The following TTC17 variants were observed in gnomAD, a reference collection of about 807,000 sequenced individuals.
TTC17 encodes tetratricopeptide repeat protein 17.
A neutral mutation model predicts 143.8 loss-of-function variants in TTC17; 58 were observed. The observed-to-expected ratio is 0.40, with a 90% confidence interval of 0.33 to 0.50. TTC17 has a LOEUF of 0.50. Ranked by LOEUF, TTC17 falls within the 20% of genes least tolerant of loss-of-function variation. The probability of loss-of-function intolerance (pLI) is 0.49; values close to 1 mark genes in which losing one functional copy is unlikely to be tolerated. For synonymous variants in TTC17, 501 were observed against 497.8 expected (o/e 1.01, Z -0.09); for missense variants, 1,273 against 1,392.5 (o/e 0.91, Z 1.37).
intron 16 of TTC17, among the ~76,000 whole-genome samples, chr11:43,437,080 T>C (rs1947309666): frequency 6.6e-6 from 1 of 152,210 alleles, no homozygotes; most frequent in Non-Finnish European, 1.5e-5. Flanking sequence ...GCTAAGACAT[T>C]CTCTACAACT....
At chr11:43,384,140 G>A (rs1318967273) in intron 2 of TTC17, among the ~76,000 whole-genome samples, 5 of 37,198 alleles carry the variant, frequency 1.3e-4, no homozygotes, top group African/African-American at 5.1e-4. Flanking sequence ...GTGAGACCCT[G>A]TCTCAAAAAA....
intron 23 of TTC17, among the ~76,000 whole-genome samples, chr11:43,493,004 C>T (rs1311224185): frequency 1.3e-5 from 2 of 152,188 alleles, no homozygotes; most frequent in African/African-American, 4.8e-5. Flanking sequence ...ACTTCAGAGG[C>T]GAGAAGTATT....
chr11:43,359,145 C>A (rs367669176), intron 1 of TTC17, 32 bp downstream of exon 1: 43 of 1,542,208 alleles, frequency 2.8e-5, no homozygotes, highest in South Asian at 1.1e-4. Flanking sequence ...TTCTCCCGTG[C>A]CCGCCCTCGC....
intron 5 of TTC17, among the ~76,000 whole-genome samples, chr11:43,394,322 G>A (rs963317577): frequency 6.6e-6 from 1 of 152,222 alleles, no homozygotes; most frequent in South Asian, 2.1e-4. Flanking sequence ...AGAAGTTGGA[G>A]CAGAGAAGCA....
At position 43,446,732 on chromosome 11, in the gene TTC17, T is replaced by G. The variant is rs953041922; in HGVS notation, c.2666-1270T>G. 8.7e-6 allele frequency: 8 copies of G among 918,422 alleles called. No homozygotes were observed. In the Admixed American group the frequency reaches 3.1e-4, roughly 36 times the overall value. 56.9% of individuals were successfully genotyped at this position (918,422 alleles called of 1,614,324 possible). A position where few individuals can be genotyped will look rare whatever the true frequency, so the allele number is the denominator to read the frequency against. Reference sequence around the variant, plus strand: ...GCGCTATACAGAACTAAAGTTCTCCTTCCTGCCTATTCCATTATAACTCCT... The same window carrying G: ...GCGCTATACAGAACTAAAGTTCTCCGTCCTGCCTATTCCATTATAACTCCT... On this transcript the variant is annotated intron_variant, in intron 18 of 23. Transcript: ENST00000039989.
chr11:43,416,075 A>G (rs919144380), intron 16 of TTC17, among the ~76,000 whole-genome samples: 8 of 152,178 alleles, frequency 5.3e-5, no homozygotes, highest in African/African-American at 1.9e-4. Context: ...AAGCCATTAG[A>G]AATTCATAGT....
chr11:43,371,002 A>G (rs928284703), intron 1 of TTC17, among the ~76,000 whole-genome samples: 28 of 100,170 alleles, frequency 2.8e-4, no homozygotes, highest in Admixed American at 7.3e-4. Flanking sequence ...GGGTTTTGCT[A>G]TGTTGTTCGG....
intron 15 of TTC17, among the ~76,000 whole-genome samples, chr11:43,414,273 C>G (rs958599155): frequency 2.0e-5 from 3 of 152,134 alleles, no homozygotes; most frequent in African/African-American, 7.2e-5. Context: ...ATGGTTACTT[C>G]TGGGGTTGGA....
At chr11:43,380,546 T>C (rs7129847) in intron 2 of TTC17, among the ~76,000 whole-genome samples, 149,575 of 152,318 alleles carry the variant, frequency 0.98, 73,497 homozygotes, top group South Asian at 1. Flanking sequence ...TGAGTCACCG[T>C]GCCCGGCCAA....
chr11:43,385,492 C>T (rs1857135349), intron 2 of TTC17: 1 of 152,016 alleles, frequency 6.6e-6, no homozygotes, highest in Non-Finnish European at 1.5e-5. Flanking sequence ...AGAGAAAACT[C>T]ACAAAACTTT....
At chr11:43,439,802 C>T (rs1390235803) in intron 16 of TTC17, among the ~76,000 whole-genome samples, 3 of 152,080 alleles carry the variant, frequency 2.0e-5, no homozygotes, top group Non-Finnish European at 4.4e-5. Flanking sequence ...TTCTCCTAGT[C>T]CCTGTGATTC....
chr11:43,478,455 C>T (rs77879346), intron 21 of TTC17, among the ~76,000 whole-genome samples: 1,809 of 152,232 alleles, frequency 0.012, 17 homozygotes, highest in South Asian at 0.016. Flanking sequence ...TAGAGGCACA[C>T]ACTAAAGAAT....
intron 1 of TTC17, among the ~76,000 whole-genome samples, chr11:43,370,599 G>T (rs1038616728): frequency 6.6e-6 from 1 of 150,576 alleles, no homozygotes; most frequent in Non-Finnish European, 1.5e-5. Context: ...AAGTTTCAGT[G>T]TTAACAAACA....
chr11:43,371,326 A>G (rs938314295), intron 1 of TTC17, among the ~76,000 whole-genome samples: 3 of 152,096 alleles, frequency 2.0e-5, no homozygotes, highest in Admixed American at 6.5e-5. Flanking sequence ...CTCCCACCCA[A>G]TTCAGTCCCA....
chr11:43,363,822 CACTT>C (rs1389035468), intron 1 of TTC17, among the ~76,000 whole-genome samples: 1 of 152,092 alleles, frequency 6.6e-6, no homozygotes, highest in South Asian at 2.1e-4. Context: ...CCTCTCATAA[CACTT>C]ACAAATGAAG....
At chr11:43,398,201 A>G in intron 8 of TTC17, 88 bp downstream of exon 8, 1 of 1,496,678 alleles carries the variant, frequency 6.7e-7, no homozygotes, top group Non-Finnish European at 9.0e-7. Context: ...TTAATTTGGT[A>G]ACTGGAATTA....
At chr11:43,363,225 T>C (rs1856188534) in intron 1 of TTC17, among the ~76,000 whole-genome samples, 1 of 152,258 alleles carries the variant, frequency 6.6e-6, no homozygotes, top group African/African-American at 2.4e-5. Context: ...ATTTTGATGT[T>C]GTTTTTGCTT....
rs146876466 is a variant in TTC17, at chr11:43,443,462, A to G, written c.2389A>G (p.Met797Val). The G allele has an allele frequency of 1.2e-4, 195 of 1,614,006 alleles. No individual in the cohort carries two copies. The Middle Eastern group carries it at 1.3e-3, about 11-fold the overall frequency. The change falls in exon 17 of 24, where the codon ATG becomes GTG. Residue 797 changes from methionine to valine, a missense_variant. By Grantham distance (21) the Met-to-Val change is conservative. Around this residue, in one of 3 missense-constraint regions of TTC17, gnomAD observed 878 missense variants for 899.8 expected, o/e 0.98. Coordinates refer to ENST00000039989, the MANE Select transcript of TTC17 (RefSeq NM_018259.6). ...PLEGFGGALE[M>V]KGRRLDLQGI... The stretch of plus-strand genomic sequence containing the variant: ...GGAAGGCTTTGGGGGTGCACTAGAG[A>G]TGAAAGGGCGGCGTCTAGACTTACA...
rs549587045 is a variant in TTC17 at position 43,409,785 on chromosome 11, C to T, written c.2064+2208C>T. On this transcript the variant is annotated intron_variant, in intron 15 of 23. Coordinates refer to ENST00000039989, the MANE Select transcript of TTC17 (RefSeq NM_018259.6). The stretch of plus-strand genomic sequence containing the variant: ...CGCTTGCTTAAAAATACCACCTCTC[C>T]GTTGTAACGTAAAGTTTTATCTTGT... 3.9e-5 allele frequency among the ~76,000 whole-genome samples: 6 copies of T among 152,162 alleles called. No homozygotes were observed. In the East Asian group the frequency reaches 9.6e-4, roughly 24 times the overall value.
Sources: allele counts gnomAD v4.1 joint callset (sites outside exome capture counted in the v4.1 genomes callset), GRCh38; gene constraint gnomAD v4.1.1; regional missense constraint gnomAD v4.1.1; transcripts MANE v1.5; gene names NCBI Gene and HGNC (gene_info 2026-07-23, HGNC 2026-07-21).